MACROH2A2: variants seen among roughly 807,000 people sequenced by gnomAD.
The protein encoded by MACROH2A2 is macroH2A.2 histone.
A neutral mutation model predicts 37.6 loss-of-function variants in MACROH2A2; 6 were observed. The ratio of observed to expected loss-of-function variants is 0.16; its 90% CI spans 0.09 to 0.32. The LOEUF (loss-of-function observed/expected upper bound fraction) is 0.32, where lower values mean the gene tolerates loss of function less well. Ranked by LOEUF, MACROH2A2 falls within the 10% of genes least tolerant of loss-of-function variation. MACROH2A2 has a pLI of 1.00. For synonymous variants in MACROH2A2, 192 were observed against 202.7 expected (o/e 0.95, Z 0.45); for missense variants, 290 against 485.9 (o/e 0.60, Z 3.79).
intron 2 of MACROH2A2, among the ~76,000 whole-genome samples, chr10:70,079,569 A>G (rs867394832): frequency 0.031 from 4,065 of 129,430 alleles, 78 homozygotes; most frequent in East Asian, 0.18. Context: ...GCGCGCGCAC[A>G]CACACACACA....
chr10:70,064,540 C>G (rs757903645), intron 1 of MACROH2A2, among the ~76,000 whole-genome samples: 44 of 152,100 alleles, frequency 2.9e-4, no homozygotes, highest in Non-Finnish European at 4.7e-4. Flanking sequence ...CACATCTCAA[C>G]TTGAATTGTG....
At chr10:70,074,310 G>A (rs1291032430) in intron 1 of MACROH2A2, among the ~76,000 whole-genome samples, 3 of 152,206 alleles carry the variant, frequency 2.0e-5, no homozygotes, top group African/African-American at 4.8e-5. Flanking sequence ...TGCTGACTGT[G>A]AAGTTTCTCC....
intron 2 of MACROH2A2, among the ~76,000 whole-genome samples, chr10:70,086,001 AT>A (rs56655318): frequency 0.042 from 6,241 of 147,596 alleles, 315 homozygotes; most frequent in East Asian, 0.22. Context: ...TTTGCTTTGA[AT>A]TTTTTTTTTT....
rs199699765 is a variant in MACROH2A2, at chr10:70,111,671, C to T, written c.1107C>T (p.Leu369=). The change falls in exon 9 of 9, where the codon CTC becomes CTT. Residue 369 remains leucine (L), a synonymous_variant. Coordinates refer to ENST00000373255, the MANE Select transcript of MACROH2A2 (RefSeq NM_018649.3). ...IGIYVQEMAK[L]DAK Reference sequence around the variant, plus strand: ...TCTACGTGCAGGAGATGGCCAAGCTCGACGCCAAGTAGCCGCCGCACTTTC... The same window carrying T: ...TCTACGTGCAGGAGATGGCCAAGCTTGACGCCAAGTAGCCGCCGCACTTTC... 88 of 1,606,768 alleles carry T rather than the reference C, an allele frequency of 5.5e-5. No homozygotes were observed. Among genetic ancestry groups the T allele is most frequent in the Middle Eastern group, 1.8e-4 (1 of 5,684 alleles).
intron 7 of MACROH2A2, among the ~76,000 whole-genome samples, chr10:70,108,755 G>A (rs989073476): frequency 2.6e-5 from 4 of 152,336 alleles, no homozygotes; most frequent in Admixed American, 1.3e-4. Context: ...ATTGTGAGGA[G>A]GTAGCCCAAC....
At position 70,091,810 on chromosome 10, in the gene MACROH2A2, C is replaced by T. The variant is rs764679766; in HGVS notation, c.333C>T (p.Pro111=). 4.3e-6 allele frequency: 7 copies of T among 1,614,062 alleles called. No individual in the cohort carries two copies. The highest frequency in any genetic ancestry group is 2.2e-5 in the South Asian group (2 of 91,074). Residue 111 remains proline (P), a synonymous_variant, in exon 4 of 9, where the codon CCC becomes CCT. Transcript: ENST00000373255. ...ASGGVLPRIH[P]ELLAKKRGTK... ...GAGGCGTCCTGCCCAGAATTCACCC[C>T]GAACTGCTGGCCAAAAAGCGAGGGA... is the stretch of plus-strand genomic sequence containing the variant.
At position 70,088,117 on chromosome 10, in the gene MACROH2A2, C is replaced by T. The variant is rs78475447; in HGVS notation, c.173-1943C>T. Among the ~76,000 whole-genome samples the T allele has an allele frequency of 8.6e-3, 1,312 of 152,136 alleles. 20 individuals are homozygous for T. The highest frequency in any genetic ancestry group is 0.03 in the African/African-American group (1,236 of 41,432). Reference sequence around the variant, plus strand: ...CTCCCAGCACATACCCACATGCACACGCACACATATGCCCGCCTGCACACT... The same window carrying T: ...CTCCCAGCACATACCCACATGCACATGCACACATATGCCCGCCTGCACACT... On this transcript the variant is annotated intron_variant, in intron 2 of 8. Coordinates refer to ENST00000373255, the MANE Select transcript of MACROH2A2 (RefSeq NM_018649.3).
chr10:70,085,376 T>A (rs2072205073), intron 2 of MACROH2A2, among the ~76,000 whole-genome samples: 1 of 151,070 alleles, frequency 6.6e-6, no homozygotes, highest in Admixed American at 6.6e-5. Context: ...TCCAGTGGGG[T>A]TTTACCCAGA....
At chr10:70,062,208 T>C (rs1235225627) in intron 1 of MACROH2A2, among the ~76,000 whole-genome samples, 6 of 152,182 alleles carry the variant, frequency 3.9e-5, no homozygotes, top group Admixed American at 2.6e-4. Context: ...AATCCCCTCA[T>C]TTCCTACCTA....
intron 2 of MACROH2A2, among the ~76,000 whole-genome samples, chr10:70,080,281 A>G (rs1440755311): frequency 1.5e-5 from 2 of 135,868 alleles, no homozygotes; most frequent in Admixed American, 9.2e-5. Flanking sequence ...CTCCATCTCA[A>G]AAAAAAAAAA....
At chr10:70,094,855 G>A (rs2072265461) in intron 5 of MACROH2A2, among the ~76,000 whole-genome samples, 1 of 152,188 alleles carries the variant, frequency 6.6e-6, no homozygotes, top group Admixed American at 6.5e-5. Context: ...GACACCCCCA[G>A]GTCAGAATCC....
At chr10:70,088,505 A>G (rs2072225339) in intron 2 of MACROH2A2, among the ~76,000 whole-genome samples, 1 of 152,236 alleles carries the variant, frequency 6.6e-6, no homozygotes, top group Non-Finnish European at 1.5e-5. Flanking sequence ...GTAGAAACCA[A>G]TTCTACAGAT....
intron 1 of MACROH2A2, among the ~76,000 whole-genome samples, chr10:70,057,072 A>C (rs1268931141): frequency 1.3e-5 from 2 of 152,184 alleles, no homozygotes; most frequent in Non-Finnish European, 2.9e-5. Flanking sequence ...CATTTCCCCC[A>C]AAAAATCACA....
At chr10:70,109,576 T>A (rs1263194434) in intron 8 of MACROH2A2, among the ~76,000 whole-genome samples, 1 of 152,128 alleles carries the variant, frequency 6.6e-6, no homozygotes, top group African/African-American at 2.4e-5. Context: ...GGACACATGA[T>A]CAGAAAACGC....
At position 70,075,526 on chromosome 10, in the gene MACROH2A2, C is replaced by A; in HGVS notation, c.-59-74C>A. The A allele has an allele frequency of 1.2e-6, 1 of 830,290 alleles. No homozygotes were observed. Among genetic ancestry groups the A allele is most frequent in the Non-Finnish European group, 2.0e-6 (1 of 510,232 alleles). The allele number at this position is 830,290 out of a possible 1,614,324, so 51.4% of individuals were successfully genotyped here. The stretch of plus-strand genomic sequence containing the variant: ...GGCAGTCAGAGGTGTCACAGTGGTG[C>A]CCAAGGGCCATGCCACTGTGCCCAA... On this transcript the variant is annotated intron_variant, in intron 1 of 8. Transcript: ENST00000373255. This position sits in a 1 kb window ranked among gnomAD's most constrained non-coding sequence, Gnocchi z 5.0.
intron 6 of MACROH2A2, chr10:70,098,886 T>C (rs2072291277): frequency 6.6e-6 from 1 of 152,238 alleles, no homozygotes; most frequent in Non-Finnish European, 1.5e-5. Context: ...AATGCTTCTG[T>C]AGAGAGAAAC....
At chr10:70,063,298 A>G (rs2072060126) in intron 1 of MACROH2A2, among the ~76,000 whole-genome samples, 1 of 152,212 alleles carries the variant, frequency 6.6e-6, no homozygotes, top group African/African-American at 2.4e-5. Flanking sequence ...AACTCATTCA[A>G]TAAGGGCACA....
In MACROH2A2 at chr10:70,092,522, T is replaced by G. The variant is rs139338346; in HGVS notation, c.477+568T>G. ...TTGTTAGAGCAGCCCAGGCAGACACTAAGACGCTCACAGAACAGGAGGGAA... is the reference window on the plus strand; with the variant it reads ...TTGTTAGAGCAGCCCAGGCAGACACGAAGACGCTCACAGAACAGGAGGGAA... On this transcript the variant is annotated intron_variant, in intron 4 of 8. Coordinates refer to ENST00000373255, the MANE Select transcript of MACROH2A2 (RefSeq NM_018649.3). Among the ~76,000 whole-genome samples, 708 of 152,228 alleles carry G rather than the reference T, an allele frequency of 4.7e-3. 9 individuals are homozygous for G. The highest frequency in any genetic ancestry group is 0.03 in the Admixed American group (460 of 15,294).
rs2072344345 is a variant in MACROH2A2 at position 70,107,371 on chromosome 10, C to A, written c.779-1662C>A. Among the ~76,000 whole-genome samples the A allele has an allele frequency of 6.6e-6, 1 of 151,638 alleles. No homozygotes were observed. Among genetic ancestry groups the A allele is most frequent in the South Asian group, 2.1e-4 (1 of 4,830 alleles). On this transcript the variant is annotated intron_variant, in intron 7 of 8. Coordinates refer to ENST00000373255, the MANE Select transcript of MACROH2A2 (RefSeq NM_018649.3). This position sits in a 1 kb window ranked among gnomAD's most constrained non-coding sequence, Gnocchi z 4.4. ...CAGTCAGTCTTTCACCTCAACCCCA[C>A]ACACAGCTCTGGAATACGGCGGACA...
Sources: gnomAD v4.1 joint callset for allele counts (sites outside exome capture counted in the v4.1 genomes callset) on GRCh38, gnomAD v4.1.1 for gene constraint, Gnocchi (gnomAD v3.1) non-coding constraint, MANE v1.5 for transcripts, NCBI Gene and HGNC (gene_info 2026-07-23, HGNC 2026-07-21) for gene names.